The following JPH2 variants were observed in gnomAD, a reference collection of about 807,000 sequenced individuals.
The protein encoded by JPH2 is junctophilin-2.
Under a neutral mutation model 55.9 loss-of-function variants are expected in JPH2, and 38 were observed. That is an observed-to-expected ratio of 0.68 (90% CI 0.52 to 0.89). The LOEUF is 0.89. Ranked by LOEUF, JPH2 falls within the 40% of genes least tolerant of loss-of-function variation. The probability of loss-of-function intolerance (pLI) is 0.00; values close to 1 mark genes in which losing one functional copy is unlikely to be tolerated. For missense variants in JPH2, 964 were observed against 1,037.6 expected, an observed-to-expected ratio of 0.93 and a Z score of 0.97; for synonymous variants, 480 against 472.4, an observed-to-expected ratio of 1.02 and a Z score of -0.21.
rs754304914 is a variant in JPH2 at position 44,115,788 on chromosome 20, G to T, written c.1887C>A (p.Pro629=). The part of the protein sequence containing the change: ...PAKLEPKPII[P]KAEPRAKARK... ...GGGCCTTGGCCCTGGGCTCGGCTTT[G>T]GGGATGATGGGCTTGGGCTCCAGCT... is the stretch of plus-strand genomic sequence containing the variant. Residue 629 remains proline (P), a synonymous_variant, in exon 4 of 6, where the codon CCC becomes CCA. Transcript: ENST00000372980. 1 of 1,609,818 alleles carries T rather than the reference G, an allele frequency of 6.2e-7. No homozygotes were observed. Among genetic ancestry groups the T allele is most frequent in the Non-Finnish European group, 8.5e-7 (1 of 1,179,822 alleles).
intron 1 of JPH2, among the ~76,000 whole-genome samples, chr20:44,174,193 G>A (rs2072717569): frequency 6.6e-6 from 1 of 152,198 alleles, no homozygotes; most frequent in Admixed American, 6.5e-5. Context: ...GGAAGCTTAG[G>A]CTCAGAGAGG....
chr20:44,162,768 A>ATG (rs2072620820), intron 1 of JPH2, among the ~76,000 whole-genome samples: 2 of 76,516 alleles, frequency 2.6e-5, no homozygotes. Flanking sequence ...ATATATATAT[A>ATG]TATATATATA....
intron 1 of JPH2, among the ~76,000 whole-genome samples, chr20:44,166,892 C>T (rs2072659547): frequency 6.6e-6 from 1 of 152,190 alleles, no homozygotes; most frequent in South Asian, 2.1e-4. Flanking sequence ...TTCCCACTGT[C>T]CCAAAGGAAA....
Position 44,187,154 on chromosome 20 carries a change from CCCCTTCTCCACCCCA to C in JPH2, c.-464_-450del. The C allele has an allele frequency of 5.2e-6, 1 of 192,680 alleles. No individual in the cohort carries two copies. 11.9% of individuals were successfully genotyped at this position (192,680 alleles called of 1,614,324 possible). ...GGCTGAATTCCCGCAGCCCGCTGGC[CCCCTTCTCCACCCCA>C]GTGGGTGTGCGGGGCTGTCGGTCTC... On this transcript the variant is annotated 5_prime_UTR_variant, in exon 1 of 6. Transcript: ENST00000372980.
intron 2 of JPH2, among the ~76,000 whole-genome samples, chr20:44,139,861 G>A (rs2072442889): frequency 6.6e-6 from 1 of 152,102 alleles, no homozygotes; most frequent in Admixed American, 6.6e-5. Context: ...GTTGGGTTTT[G>A]AACCAAATGA....
At position 44,116,050 on chromosome 20, in the gene JPH2, C is replaced by A. The variant is rs369279135; in HGVS notation, c.1625G>T (p.Arg542Leu). The A allele has an allele frequency of 3.8e-6, 6 of 1,562,570 alleles. No individual in the cohort carries two copies. The African/African-American group carries it at 5.5e-5, about 14-fold the overall frequency. ...TGCCTGCAGAGCCTCGATGGCCATG[C>A]GCTCGGTGGCTGGACGCGCGGGGCT... ...RRSPARPATE[R>L]MAIEALQAPP... Residue 542 changes from arginine (R) to leucine (L), a missense_variant, in exon 4 of 6, where the codon CGC (arginine) becomes CTC (leucine). Physicochemically the swap from Arg to Leu is moderately radical, Grantham distance 102. Transcript: ENST00000372980.
chr20:44,135,841 C>T (rs565430495), intron 2 of JPH2, among the ~76,000 whole-genome samples: 1 of 152,264 alleles, frequency 6.6e-6, no homozygotes, highest in South Asian at 2.1e-4. Flanking sequence ...TCTGTGTGAT[C>T]ATTTTCAATT....
chr20:44,118,575 C>T lies in JPH2; in HGVS notation c.1218G>A (p.Leu406=), dbSNP rs780309894. The change falls in exon 3 of 6, where the codon CTG becomes CTA. Residue 406 remains leucine, a synonymous_variant. Transcript: ENST00000372980. The stretch of plus-strand genomic sequence containing the variant: ...CAATGTTGGACTCCTGGTTGGCAGC[C>T]AGGGCGGCCTGTTCCGCTGCCTCAG... ...AKAEAAEQAA[L]AANQESNIAR... The T allele has an allele frequency of 6.2e-7, 1 of 1,612,842 alleles. No homozygotes were observed. The highest frequency in any genetic ancestry group is 2.2e-5 in the East Asian group (1 of 44,886).
Position 44,159,438 on chromosome 20 carries a change from G to T in JPH2, c.1169+180C>A, listed in dbSNP as rs2072587647. ...AAGGGCTGGGTGTAACTGAGTGATG[G>T]ATGGATGGGTGAGTGAACAGGAGCC... On this transcript the variant is annotated intron_variant, in intron 2 of 5. Transcript: ENST00000372980. The surrounding 1 kb of genome is among the most constrained non-coding windows in gnomAD (Gnocchi z 5.7). 6.6e-6 allele frequency among the ~76,000 whole-genome samples: 1 copy of T among 152,078 alleles called. No individual in the cohort carries two copies. The highest frequency in any genetic ancestry group is 1.5e-5 in the Non-Finnish European group (1 of 68,004).
At chr20:44,182,183 A>G (rs1391869655) in intron 1 of JPH2, among the ~76,000 whole-genome samples, 1 of 152,226 alleles carries the variant, frequency 6.6e-6, no homozygotes, top group Non-Finnish European at 1.5e-5. Context: ...GTTCCTAATC[A>G]CAGGATCTTA....
At chr20:44,114,601 T>TGC (rs1412025436) in intron 5 of JPH2, among the ~76,000 whole-genome samples, 181 bp downstream of exon 5, 2 of 136,212 alleles carry the variant, frequency 1.5e-5, no homozygotes, top group Non-Finnish European at 3.3e-5. Flanking sequence ...TGTGTGTGTG[T>TGC]GTGTGTGTGC....
chr20:44,177,750 T>A (rs1231479475), intron 1 of JPH2: 2 of 1,432,086 alleles, frequency 1.4e-6, no homozygotes, highest in East Asian at 5.4e-5. Flanking sequence ...TCTTGTCTTA[T>A]TTACTGTTCC....
intron 2 of JPH2, among the ~76,000 whole-genome samples, chr20:44,129,996 T>C (rs1444272629): frequency 6.6e-6 from 1 of 152,166 alleles, no homozygotes; most frequent in Non-Finnish European, 1.5e-5. Context: ...ACTTCCGACC[T>C]CCAGAACTGT....
intron 3 of JPH2, 151 bp downstream of exon 3, chr20:44,118,354 T>A: frequency 1.3e-6 from 1 of 761,266 alleles, no homozygotes; most frequent in East Asian, 2.4e-5. Flanking sequence ...TACCCCTGCA[T>A]CATCCCATCC....
rs777133582 is a variant in JPH2, at chr20:44,186,732, C to T, written c.-27G>A. ...TCATCATAGCCCCTGACAACCTCCCCGTCCTCCAGCGTGGGTGCAGAGGGC... is the reference window on the plus strand; with the variant it reads ...TCATCATAGCCCCTGACAACCTCCCTGTCCTCCAGCGTGGGTGCAGAGGGC... On this transcript the variant is annotated 5_prime_UTR_variant, in exon 1 of 6. Coordinates refer to ENST00000372980, the MANE Select transcript of JPH2 (RefSeq NM_020433.5). 5.0e-6 allele frequency: 8 copies of T among 1,596,076 alleles called. No individual in the cohort carries two copies. The highest frequency in any genetic ancestry group is 2.2e-5 in the East Asian group (1 of 44,834).
intron 2 of JPH2, among the ~76,000 whole-genome samples, chr20:44,121,902 C>T (rs558696399): frequency 5.3e-5 from 8 of 151,990 alleles, no homozygotes; most frequent in South Asian, 4.2e-4. Flanking sequence ...CTGAGGTCAG[C>T]GGGGGGATTG....
At chr20:44,126,567 G>C (rs1029539670) in intron 2 of JPH2, among the ~76,000 whole-genome samples, 1 of 152,168 alleles carries the variant, frequency 6.6e-6, no homozygotes, top group Non-Finnish European at 1.5e-5. Context: ...TCTAGAGGAA[G>C]GACCACAGCT....
rs2072434646 is a variant in JPH2, at chr20:44,138,636, GC to G, written c.1170-20014del. Among the ~76,000 whole-genome samples, 3 of 152,108 alleles carry G rather than the reference GC, an allele frequency of 2.0e-5. No homozygotes were observed. In the South Asian group the frequency reaches 6.2e-4, roughly 32 times the overall value. On this transcript the variant is annotated intron_variant, in intron 2 of 5. Coordinates refer to ENST00000372980, the MANE Select transcript of JPH2 (RefSeq NM_020433.5). The stretch of plus-strand genomic sequence containing the variant: ...GGCCTCAAGCAATTCTCCTGCCTTG[GC>G]CCCCTCAAAGTGCTGGGATTACAGG...
intron 2 of JPH2, among the ~76,000 whole-genome samples, chr20:44,158,938 C>T (rs966905294): frequency 1.4e-4 from 22 of 152,004 alleles, no homozygotes; most frequent in African/African-American, 5.1e-4. Context: ...GGTGAGGGGA[C>T]GGGTGAGTGG....
Sources: allele counts gnomAD v4.1 joint callset (sites outside exome capture counted in the v4.1 genomes callset), GRCh38; gene constraint gnomAD v4.1.1; non-coding constraint Gnocchi (gnomAD v3.1); transcripts MANE v1.5; gene names NCBI Gene and HGNC (gene_info 2026-07-23, HGNC 2026-07-21).